ST3GAL3: variants seen among roughly 807,000 people sequenced by gnomAD.
ST3GAL3 encodes the protein ST3 beta-galactoside alpha-2,3-sialyltransferase 3, also known as CMP-N-acetylneuraminate-beta-1,4-galactoside alpha-2,3-sialyltransferase.
Under a neutral mutation model 50.1 loss-of-function variants are expected in ST3GAL3, and 21 were observed. The ratio of observed to expected loss-of-function variants is 0.42; its 90% confidence interval spans 0.30 to 0.60. The LOEUF is 0.60. Among genes scored for constraint, ST3GAL3 ranks in the 20% least tolerant of loss-of-function variants. ST3GAL3 has a pLI of 0.19. For synonymous variants in ST3GAL3, 183 were observed against 190.0 expected, an observed-to-expected ratio of 0.96 and a Z score of 0.30; for missense variants, 353 against 489.4, an observed-to-expected ratio of 0.72 and a Z score of 2.63.
At chr1:43,826,102 C>CAA (rs561426369) in intron 4 of ST3GAL3, among the ~76,000 whole-genome samples, 1 of 136,052 alleles carries the variant, frequency 7.4e-6, no homozygotes, top group African/African-American at 2.7e-5. Flanking sequence ...CTCGTCTCTT[C>CAA]AAAAAAAAAA....
chr1:43,849,672 A>G (rs2066917206), intron 5 of ST3GAL3, among the ~76,000 whole-genome samples: 1 of 152,176 alleles, frequency 6.6e-6, no homozygotes, highest in Non-Finnish European at 1.5e-5. Context: ...TCACACCAGT[A>G]TGGGACTGGG....
chr1:43,792,547 G>A (rs1473966142), intron 3 of ST3GAL3, among the ~76,000 whole-genome samples: 3 of 152,180 alleles, frequency 2.0e-5, no homozygotes, highest in African/African-American at 7.2e-5. Context: ...GCTGGTGGGA[G>A]CATCCCAGTT....
intron 2 of ST3GAL3, among the ~76,000 whole-genome samples, chr1:43,739,969 A>G (rs943545079): frequency 1.2e-4 from 19 of 152,188 alleles, no homozygotes; most frequent in Admixed American, 2.6e-4. Flanking sequence ...ACGCATACAT[A>G]TATTTTTAAT....
At chr1:43,736,945 C>G (rs531045886) in intron 2 of ST3GAL3, 4 of 230,556 alleles carry the variant, frequency 1.7e-5, no homozygotes, top group Non-Finnish European at 3.4e-5. Flanking sequence ...TCTCTTTGTG[C>G]ACTTTGTCTC....
chr1:43,843,642 G>T (rs892319743), intron 5 of ST3GAL3, among the ~76,000 whole-genome samples: 3 of 152,162 alleles, frequency 2.0e-5, no homozygotes, highest in Admixed American at 1.3e-4. Context: ...CAAATTTTGT[G>T]TACAATTGGT....
chr1:43,889,398 A>G (rs1287563563), intron 5 of ST3GAL3, among the ~76,000 whole-genome samples: 4 of 152,260 alleles, frequency 2.6e-5, no homozygotes, highest in Non-Finnish European at 5.9e-5. Context: ...CTATATCATC[A>G]TTAAACAAAA....
intron 9 of ST3GAL3, among the ~76,000 whole-genome samples, chr1:43,909,835 A>G (rs142348250): frequency 6.6e-6 from 1 of 152,380 alleles, no homozygotes; most frequent in African/African-American, 2.4e-5. Flanking sequence ...CAGGAAACTG[A>G]ACAGATCACA....
chr1:43,765,770 TGTGTGTGTGTGTGTGCGCGCGC>T (rs1558202104), intron 2 of ST3GAL3, among the ~76,000 whole-genome samples: 2 of 127,814 alleles, frequency 1.6e-5, no homozygotes, highest in East Asian at 2.3e-4. Context: ...TGTGTGTGTG[TGTGTGTGTGTGTGTGCGCGCGC>T]GCGCGCGCGT....
At chr1:43,813,899 A>G (rs61768442) in intron 3 of ST3GAL3, among the ~76,000 whole-genome samples, 4,067 of 38,640 alleles carry the variant, frequency 0.11, 89 homozygotes, top group Non-Finnish European at 0.14. Flanking sequence ...ACACACGCAC[A>G]CACGCACACA....
rs140949625 is a variant in ST3GAL3 at position 43,713,775 on chromosome 1, A to T, written c.-31+6082A>T. ...GGTCTCGAGCTCTTGGGCTCAAGTG[A>T]TCTGCCCAGCTCTGCCTCCCGAAGC... is the stretch of plus-strand genomic sequence containing the variant. On this transcript the variant is annotated intron_variant, in intron 1 of 11. Transcript: ENST00000347631. 1.6e-3 allele frequency among the ~76,000 whole-genome samples: 242 copies of T among 152,152 alleles called. 2 individuals are homozygous for T. Among genetic ancestry groups the T allele is most frequent in the African/African-American group, 5.5e-3 (227 of 41,522 alleles).
intron 4 of ST3GAL3, among the ~76,000 whole-genome samples, chr1:43,832,417 G>A (rs2063663376): frequency 6.6e-6 from 1 of 152,208 alleles, no homozygotes; most frequent in Non-Finnish European, 1.5e-5. Context: ...CAGTGCTTCA[G>A]CATTTGTCGT....
At chr1:43,756,248 C>T (rs1239795965) in intron 2 of ST3GAL3, among the ~76,000 whole-genome samples, 1 of 151,952 alleles carries the variant, frequency 6.6e-6, no homozygotes, top group Non-Finnish European at 1.5e-5. Context: ...TATTGTATGG[C>T]ACCATGTATG....
chr1:43,772,350 T>C, intron 2 of ST3GAL3: 1 of 255,068 alleles, frequency 3.9e-6, no homozygotes. Flanking sequence ...GTCTGGCCAG[T>C]GATCCTTTTT....
chr1:43,888,723 A>AT (rs1213360542), intron 5 of ST3GAL3, among the ~76,000 whole-genome samples: 1 of 152,052 alleles, frequency 6.6e-6, no homozygotes, highest in Non-Finnish European at 1.5e-5. Flanking sequence ...GTGAAATACT[A>AT]TTTTTTTTCT....
At chr1:43,736,143 T>C in intron 1 of ST3GAL3, 90 bp from the exon 2 acceptor site, 1 of 1,262,802 alleles carries the variant, frequency 7.9e-7, no homozygotes, top group Non-Finnish European at 1.1e-6. Flanking sequence ...TATTCTTCAT[T>C]TGGAAATTCT....
intron 4 of ST3GAL3, among the ~76,000 whole-genome samples, chr1:43,817,570 T>TCTCCTTCTTC (rs2061458085): frequency 1.3e-5 from 1 of 76,372 alleles, no homozygotes; most frequent in Non-Finnish European, 2.7e-5. Flanking sequence ...TCTTCCTTCT[T>TCTCCTTCTTC]CTTCTCCTTC....
chr1:43,879,833 T>C (rs2154254836), intron 5 of ST3GAL3, among the ~76,000 whole-genome samples: 2 of 152,318 alleles, frequency 1.3e-5, no homozygotes, highest in East Asian at 3.9e-4. Context: ...TCACCACTGC[T>C]TTGAATCCCA....
At chr1:43,874,621 G>C (rs1177284771) in intron 5 of ST3GAL3, among the ~76,000 whole-genome samples, 6 of 152,206 alleles carry the variant, frequency 3.9e-5, no homozygotes, top group Admixed American at 3.9e-4. Context: ...AAGACTTCCT[G>C]GAGCAGTGTC....
chr1:43,769,865 TC>T (rs1694422152), intron 2 of ST3GAL3, among the ~76,000 whole-genome samples: 1 of 152,200 alleles, frequency 6.6e-6, no homozygotes, highest in Admixed American at 6.5e-5. Context: ...ATTTTTTCTC[TC>T]ATTTTTATTC....
Sources: gnomAD v4.1 joint callset for allele counts (sites outside exome capture counted in the v4.1 genomes callset) on GRCh38, gnomAD v4.1.1 for gene constraint, MANE v1.5 for transcripts, NCBI Gene and HGNC (gene_info 2026-07-23, HGNC 2026-07-21) for gene names.